The following CTNNA3 variants were observed in gnomAD, a reference collection of about 807,000 sequenced individuals.
The protein encoded by CTNNA3 is catenin alpha 3, also known as catenin alpha-3.
CTNNA3 carries 76 observed loss-of-function variants against 95.7 expected under a neutral mutation model. That is an observed-to-expected ratio of 0.79 (90% CI 0.66 to 0.96). CTNNA3 has a LOEUF of 0.96. Among genes scored for constraint, CTNNA3 ranks in the 40% least tolerant of loss-of-function variants. The probability of loss-of-function intolerance (pLI) is 0.00; values close to 1 mark genes in which losing one functional copy is unlikely to be tolerated. For missense variants in CTNNA3, 1,191 were observed against 1,089.8 expected, an observed-to-expected ratio of 1.09 and a Z score of -1.31; for synonymous variants, 431 against 374.4, an observed-to-expected ratio of 1.15 and a Z score of -1.74.
intron 1 of CTNNA3, among the ~76,000 whole-genome samples, chr10:67,707,065 C>T (rs574223130): frequency 6.6e-6 from 1 of 152,210 alleles, no homozygotes; most frequent in African/African-American, 2.4e-5. Context: ...TCCAGAATTC[C>T]CACTGATCCT....
chr10:66,705,212 C>T (rs1391331646), intron 9 of CTNNA3, among the ~76,000 whole-genome samples: 1 of 151,876 alleles, frequency 6.6e-6, no homozygotes, highest in African/African-American at 2.4e-5. Context: ...TAGGATAAAT[C>T]GTATTTCATT....
At chr10:66,174,709 G>C (rs2085616895) in intron 13 of CTNNA3, among the ~76,000 whole-genome samples, 1 of 152,054 alleles carries the variant, frequency 6.6e-6, no homozygotes, top group Non-Finnish European at 1.5e-5. Flanking sequence ...TGTGGGACTT[G>C]AGTGTGCATA....
chr10:67,010,552 G>T (rs201061668), intron 7 of CTNNA3, among the ~76,000 whole-genome samples: 4 of 152,218 alleles, frequency 2.6e-5, no homozygotes, highest in South Asian at 2.1e-4. Flanking sequence ...GAAGAAGAGT[G>T]GGGGGAGCAC....
chr10:66,709,959 A>G (rs962485619), intron 9 of CTNNA3, among the ~76,000 whole-genome samples: 13 of 152,318 alleles, frequency 8.5e-5, no homozygotes, highest in Admixed American at 7.9e-4. Context: ...AACTAATAAC[A>G]CTATACGTTG....
At chr10:66,798,557 T>A (rs886691499) in intron 7 of CTNNA3, among the ~76,000 whole-genome samples, 8 of 151,326 alleles carry the variant, frequency 5.3e-5, no homozygotes, top group Non-Finnish European at 1.2e-4. Context: ...TCAATTCAGA[T>A]CAATCTTAGT....
chr10:66,748,118 A>G (rs559191921), intron 9 of CTNNA3, among the ~76,000 whole-genome samples: 1 of 152,270 alleles, frequency 6.6e-6, no homozygotes, highest in Admixed American at 6.5e-5. Context: ...CTCATGCCAA[A>G]CCTATACGAG....
chr10:66,333,844 T>A (rs1409548334), intron 12 of CTNNA3, among the ~76,000 whole-genome samples: 2 of 151,620 alleles, frequency 1.3e-5, no homozygotes, highest in Admixed American at 6.6e-5. Flanking sequence ...AAGTCTCCCA[T>A]TATTATTGTG....
chr10:66,682,724 A>G (rs1399060671), intron 9 of CTNNA3, among the ~76,000 whole-genome samples: 2 of 150,924 alleles, frequency 1.3e-5, no homozygotes, highest in African/African-American at 4.9e-5. Flanking sequence ...GGTTTGTTAT[A>G]TGGGTATATT....
At chr10:66,919,920 AG>A (rs1297050736) in intron 7 of CTNNA3, among the ~76,000 whole-genome samples, 4 of 152,356 alleles carry the variant, frequency 2.6e-5, no homozygotes, top group Non-Finnish European at 5.9e-5. Context: ...TCTTTACAAA[AG>A]CTAAATCAAA....
chr10:65,977,304 C>A, intron 16 of CTNNA3, among the ~76,000 whole-genome samples: 1 of 151,968 alleles, frequency 6.6e-6, no homozygotes, highest in Admixed American at 6.6e-5. Context: ...ACGTTTCTAC[C>A]AAGACGCTTG....
At chr10:67,426,651 T>G (rs1845932867) in intron 5 of CTNNA3, among the ~76,000 whole-genome samples, 1 of 152,022 alleles carries the variant, frequency 6.6e-6, no homozygotes, top group African/African-American at 2.4e-5. Context: ...CACCGGGGCC[T>G]GTCGGGAGGT....
In CTNNA3 at chr10:66,103,177, T is replaced by C; in HGVS notation, c.1957A>G (p.Thr653Ala). The C allele has an allele frequency of 6.2e-7, 1 of 1,613,968 alleles. No homozygotes were observed. The highest frequency in any genetic ancestry group is 8.5e-7 in the Non-Finnish European group (1 of 1,179,890). The change falls in exon 14 of 18, where the codon ACC (threonine) becomes GCC (alanine). Residue 653 changes from threonine to alanine, a missense_variant. Physicochemically the swap from Thr to Ala is moderately conservative, Grantham distance 58 (BLOSUM62 0). Coordinates refer to ENST00000433211, the MANE Select transcript of CTNNA3 (RefSeq NM_013266.4). ...CATACCCTATCAGTTTTCCCTTCGG[T>C]CTGAATGCTGGTGTGACTGCGGACC... ...HEVRSHTSIQTEGKTDRAKMT... is the reference protein window; with the variant it reads ...HEVRSHTSIQAEGKTDRAKMT...
chr10:67,699,987 G>T (rs914643728), upstream of CTNNA3, among the ~76,000 whole-genome samples: 8 of 152,238 alleles, frequency 5.3e-5, no homozygotes, highest in Admixed American at 2.0e-4. Flanking sequence ...CACATGCTTT[G>T]GAGGGTCCTA....
At chr10:67,698,173 C>A (rs1841003112), upstream of CTNNA3, among the ~76,000 whole-genome samples, 1 of 151,748 alleles carries the variant, frequency 6.6e-6, no homozygotes, top group African/African-American at 2.4e-5. Context: ...TTATACTTTG[C>A]AAACTTTAAA....
intron 6 of CTNNA3, among the ~76,000 whole-genome samples, chr10:67,211,099 C>T (rs1258428397): frequency 6.6e-6 from 1 of 152,072 alleles, no homozygotes; most frequent in Non-Finnish European, 1.5e-5. Context: ...TTTATTTTTA[C>T]TTATTTTCTA....
intron 5 of CTNNA3, among the ~76,000 whole-genome samples, chr10:67,267,308 G>A (rs975191630): frequency 2.0e-5 from 3 of 152,134 alleles, no homozygotes; most frequent in African/African-American, 7.2e-5. Context: ...TGAAAGGATA[G>A]GAAGAAGTTC....
chr10:67,084,801 A>G (rs1857216213), intron 7 of CTNNA3, among the ~76,000 whole-genome samples: 1 of 152,038 alleles, frequency 6.6e-6, no homozygotes, highest in Admixed American at 6.6e-5. Context: ...GACTACGTTT[A>G]TAAATTAAGG....
In CTNNA3 at chr10:66,184,115, T is replaced by C. The variant is rs531600375; in HGVS notation, c.1885-80866A>G. Among the ~76,000 whole-genome samples, 5 of 152,120 alleles carry C rather than the reference T, an allele frequency of 3.3e-5. No homozygotes were observed. In the East Asian group the frequency reaches 9.7e-4, roughly 29 times the overall value. ...GAGTTCGAAACCAGCCTGGCTAACATGGCAAAACCCTGTCTCTATTAAAAA... is the reference window on the plus strand; with the variant it reads ...GAGTTCGAAACCAGCCTGGCTAACACGGCAAAACCCTGTCTCTATTAAAAA... On this transcript the variant is annotated intron_variant, in intron 13 of 17. Coordinates refer to ENST00000433211, the MANE Select transcript of CTNNA3 (RefSeq NM_013266.4).
At chr10:67,713,544 T>C (rs771788636) in intron 1 of CTNNA3, among the ~76,000 whole-genome samples, 35 of 152,288 alleles carry the variant, frequency 2.3e-4, no homozygotes, top group Middle Eastern at 3.4e-3. Flanking sequence ...CAGATGCCCA[T>C]CAATGATAGA....
Sources: allele counts gnomAD v4.1 joint callset (sites outside exome capture counted in the v4.1 genomes callset), GRCh38; gene constraint gnomAD v4.1.1; transcripts MANE v1.5; gene names NCBI Gene and HGNC (gene_info 2026-07-23, HGNC 2026-07-21).